MFAP1: variants seen among roughly 807,000 people sequenced by gnomAD.
MFAP1 encodes microfibrillar-associated protein 1.
Under a neutral mutation model 62.2 loss-of-function variants are expected in MFAP1, and 18 were observed. The ratio of observed to expected loss-of-function variants is 0.29; its 90% CI spans 0.20 to 0.43. The LOEUF is 0.43. Ranked by LOEUF, MFAP1 falls within the 20% of genes least tolerant of loss-of-function variation. MFAP1 has a pLI of 1.00. For synonymous variants in MFAP1, 175 were observed against 180.4 expected (o/e 0.97, Z 0.24); for missense variants, 355 against 559.7 (o/e 0.63, Z 3.69).
At position 43,814,646 on chromosome 15, in the gene MFAP1, C is replaced by G; in HGVS notation, c.472G>C (p.Glu158Gln). The change falls in exon 4 of 9, where the codon GAG (glutamate) becomes CAG (glutamine). Residue 158 changes from glutamate (E) to glutamine (Q), a missense_variant. Physicochemically the swap from Glu to Gln is conservative, Grantham distance 29. Coordinates refer to ENST00000267812, the MANE Select transcript of MFAP1 (RefSeq NM_005926.3). ...ACTTCCATCTCTTCATTTTTTCTCT[C>G]CTGTGCTCGCTGACGCATCATGCCA... Reference protein sequence around the residue: ...RRGMMRQRAQERKNEEMEVME... With the variant: ...RRGMMRQRAQQRKNEEMEVME... The G allele has an allele frequency of 6.2e-7, 1 of 1,614,130 alleles. No individual in the cohort carries two copies. The highest frequency in any genetic ancestry group is 8.5e-7 in the Non-Finnish European group (1 of 1,180,028).
intron 6 of MFAP1, among the ~76,000 whole-genome samples, chr15:43,811,610 C>G (rs964475420): frequency 2.6e-5 from 4 of 150,988 alleles, no homozygotes; most frequent in African/African-American, 7.3e-5. Flanking sequence ...CGGGTTCAAG[C>G]GATTCTCTTG....
chr15:43,805,139 T>A lies in MFAP1; in HGVS notation c.1275A>T (p.Arg425=), dbSNP rs1305122322. 4 of 1,600,294 alleles carry A rather than the reference T, an allele frequency of 2.5e-6. No homozygotes were observed. The Admixed American group carries it at 6.7e-5, about 27-fold the overall frequency. The change falls in exon 9 of 9, where the codon CGA becomes CGT. Residue 425 remains arginine, a synonymous_variant. Transcript: ENST00000267812. The part of the protein sequence containing the change: ...KFFKQKAAGV[R]DVFERPSAKK... ...TGGCAGATGGCCGCTCAAATACATC[T>A]CGTACCCCAGCTGCCTTTTGTTTGA...
chr15:43,814,241 A>C (rs2087420876), intron 4 of MFAP1, among the ~76,000 whole-genome samples: 1 of 152,082 alleles, frequency 6.6e-6, no homozygotes, highest in Non-Finnish European at 1.5e-5. Flanking sequence ...CAAGAGCGAA[A>C]CTCTGTCTCA....
At chr15:43,812,776 A>C (rs924370728) in intron 6 of MFAP1, among the ~76,000 whole-genome samples, 3 of 152,202 alleles carry the variant, frequency 2.0e-5, no homozygotes, top group Admixed American at 2.0e-4. Context: ...CTGGCACTCT[A>C]TTATGGACAC....
At position 43,805,436 on chromosome 15, in the gene MFAP1, A is replaced by G; in HGVS notation, c.1077T>C (p.Asp359=). Residue 359 remains aspartate (D), a synonymous_variant, in exon 8 of 9, where the codon GAT becomes GAC. Coordinates refer to ENST00000267812, the MANE Select transcript of MFAP1 (RefSeq NM_005926.3). The part of the protein sequence containing the change: ...MDEDEEVYKR[D]FSAPTLEDHF... ...GATCCTCCAGGGTAGGAGCGCTGAA[A>G]TCTCTCTTGTATACTTCTTCATCCT... 6.2e-7 allele frequency: 1 copy of G among 1,613,552 alleles called. No individual in the cohort carries two copies. Among genetic ancestry groups the G allele is most frequent in the Non-Finnish European group, 8.5e-7 (1 of 1,179,876 alleles).
chr15:43,812,308 G>A (rs2087406974), intron 6 of MFAP1, among the ~76,000 whole-genome samples: 1 of 152,010 alleles, frequency 6.6e-6, no homozygotes. Context: ...CTCCTCCTCT[G>A]CAGAGGTGGA....
At chr15:43,814,825 G>GT in intron 3 of MFAP1, 120 bp downstream of exon 3, 1 of 1,492,452 alleles carries the variant, frequency 6.7e-7, no homozygotes, top group East Asian at 2.3e-5. Context: ...CACAAACAAG[G>GT]AACATGATCA....
intron 1 of MFAP1, among the ~76,000 whole-genome samples, chr15:43,822,319 C>A (rs2087471548): frequency 1.3e-5 from 2 of 151,846 alleles, no homozygotes; most frequent in South Asian, 4.1e-4. Flanking sequence ...CTGATACAAC[C>A]AAGTGTGTAG....
intron 6 of MFAP1, among the ~76,000 whole-genome samples, chr15:43,812,774 CTA>C (rs1395365977): frequency 1.3e-5 from 2 of 152,192 alleles, no homozygotes; most frequent in African/African-American, 2.4e-5. Flanking sequence ...GGCTGGCACT[CTA>C]TTATGGACAC....
At chr15:43,810,175 T>G in intron 6 of MFAP1, 1 of 349,804 alleles carries the variant, frequency 2.9e-6, no homozygotes. Context: ...CTGCTGGGTT[T>G]TCCAACATTA....
At chr15:43,812,809 T>G (rs1047246052) in intron 6 of MFAP1, among the ~76,000 whole-genome samples, 178 bp downstream of exon 6, 1 of 152,212 alleles carries the variant, frequency 6.6e-6, no homozygotes, top group African/African-American at 2.4e-5. Context: ...TGTTTTTCTC[T>G]TCCCTGATTT....
In MFAP1 at chr15:43,808,779, A is replaced by G. The variant is rs182390887; in HGVS notation, c.1047+976T>C. On this transcript the variant is annotated intron_variant, in intron 7 of 8. Coordinates refer to ENST00000267812, the MANE Select transcript of MFAP1 (RefSeq NM_005926.3). ...AACAGCATCTGCAGTGAAAGGCAGG[A>G]ATTTAGTTGCAGTGGGGATATTTAG... Among the ~76,000 whole-genome samples the G allele has an allele frequency of 2.6e-5, 4 of 152,360 alleles. No individual in the cohort carries two copies. In the East Asian group the frequency reaches 7.7e-4, roughly 29 times the overall value.
In MFAP1 at chr15:43,817,235, T is replaced by C. The variant is rs1401423860; in HGVS notation, c.293A>G (p.Glu98Gly). Residue 98 changes from glutamate to glycine, a missense_variant, in exon 2 of 9, where the codon GAA becomes GGA. Glu to Gly is a moderately conservative substitution (Grantham distance 98, BLOSUM62 -2). Coordinates refer to ENST00000267812, the MANE Select transcript of MFAP1 (RefSeq NM_005926.3). The stretch of plus-strand genomic sequence containing the variant: ...ACACAATCACAGACATTACCTCTCT[T>C]CCACATCTTCACTAATACGGTTCTG... ...RLQNRISEDV[E>G]ERLARHRKIV... is the part of the protein sequence containing the mutation. The C allele has an allele frequency of 1.9e-6, 3 of 1,613,188 alleles. No individual in the cohort carries two copies. Among genetic ancestry groups the C allele is most frequent in the Non-Finnish European group, 2.5e-6 (3 of 1,179,994 alleles).
chr15:43,818,032 T>G (rs1373922966), intron 1 of MFAP1, among the ~76,000 whole-genome samples: 1 of 151,238 alleles, frequency 6.6e-6, no homozygotes, highest in African/African-American at 2.4e-5. Flanking sequence ...TTTTTTTTTT[T>G]TTTTTGAGAC....
chr15:43,822,835 A>G (rs1193109196), intron 1 of MFAP1, among the ~76,000 whole-genome samples: 1 of 151,466 alleles, frequency 6.6e-6, no homozygotes, highest in African/African-American at 2.4e-5. Context: ...ATTTTTAATT[A>G]TTATTATTAT....
In MFAP1 at chr15:43,817,817, C is replaced by T. The variant is rs143012877; in HGVS notation, c.80-369G>A. Among the ~76,000 whole-genome samples the T allele has an allele frequency of 3.9e-5, 6 of 152,286 alleles. No individual in the cohort carries two copies. The East Asian group carries it at 1.2e-3, about 29-fold the overall frequency. On this transcript the variant is annotated intron_variant, in intron 1 of 8. Transcript: ENST00000267812. Reference sequence around the variant, plus strand: ...TAAACAAATTATTTGTAACAGTGCCCAGCACATAGTAAGGGTAATTTCTGC... The same window carrying T: ...TAAACAAATTATTTGTAACAGTGCCTAGCACATAGTAAGGGTAATTTCTGC...
chr15:43,823,491 C>T (rs550961768), intron 1 of MFAP1, among the ~76,000 whole-genome samples: 73 of 152,140 alleles, frequency 4.8e-4, no homozygotes, highest in Non-Finnish European at 8.5e-4. Flanking sequence ...ATTCTCCTGC[C>T]TCAGATTCCC....
At position 43,814,494 on chromosome 15, in the gene MFAP1, T is replaced by G. The variant is rs1458096935; in HGVS notation, c.617+7A>C. On this transcript the variant is annotated splice_region_variant and intron_variant, in intron 4 of 8. Transcript: ENST00000267812. The stretch of plus-strand genomic sequence containing the variant: ...GTGGATTCAGATCTGGCTTGTGAGA[T>G]ACTTACTTTCGAATGAAGACTGGCT... The G allele has an allele frequency of 6.9e-6, 11 of 1,602,098 alleles. No individual in the cohort carries two copies. The highest frequency in any genetic ancestry group is 9.4e-6 in the Non-Finnish European group (11 of 1,173,012).
rs373024337 is a variant in MFAP1 at position 43,812,567 on chromosome 15, A to G, written c.887+420T>C. On this transcript the variant is annotated intron_variant, in intron 6 of 8. Coordinates refer to ENST00000267812, the MANE Select transcript of MFAP1 (RefSeq NM_005926.3). ...CCCTTTTAAGTTTCCAGCCCAGTCA[A>G]CCTTCCAGCTGGATGCAACTACATA... Among the ~76,000 whole-genome samples, 30 of 152,318 alleles carry G rather than the reference A, an allele frequency of 2.0e-4. No homozygotes were observed. The East Asian group carries it at 3.7e-3, about 19-fold the overall frequency.
Sources: gnomAD v4.1 joint callset for allele counts (sites outside exome capture counted in the v4.1 genomes callset) on GRCh38, gnomAD v4.1.1 for gene constraint, MANE v1.5 for transcripts, NCBI Gene and HGNC (gene_info 2026-07-23, HGNC 2026-07-21) for gene names.